Variants in UBE2E2 observed in about 807,000 individuals in gnomAD.
UBE2E2 encodes the protein ubiquitin conjugating enzyme E2 E2, also known as ubiquitin-conjugating enzyme E2 E2.
UBE2E2 carries 6 observed loss-of-function variants against 24.7 expected under a neutral mutation model. The observed-to-expected ratio is 0.24, with a 90% confidence interval of 0.13 to 0.48. UBE2E2 has a LOEUF of 0.48. Ranked by LOEUF, UBE2E2 falls within the 20% of genes least tolerant of loss-of-function variation. The pLI, the probability that UBE2E2 is intolerant of heterozygous loss-of-function variation, is 0.99. For synonymous variants in UBE2E2, 104 were observed against 83.6 expected (o/e 1.24, Z -1.33); for missense variants, 169 against 245.0 (o/e 0.69, Z 2.07).
chr3:23,502,070 T>G (rs1053690519), intron 4 of UBE2E2, among the ~76,000 whole-genome samples: 2 of 152,136 alleles, frequency 1.3e-5, no homozygotes, highest in Non-Finnish European at 2.9e-5. Flanking sequence ...AGAAAAAACT[T>G]GGGGTGTAGT....
intron 4 of UBE2E2, among the ~76,000 whole-genome samples, chr3:23,512,140 TA>T (rs886922503): frequency 1.3e-5 from 2 of 151,234 alleles, no homozygotes; most frequent in Non-Finnish European, 1.5e-5. Context: ...GTGATCTTGG[TA>T]AGTGCACAGT....
At chr3:23,457,445 C>T (rs1698703960) in intron 3 of UBE2E2, among the ~76,000 whole-genome samples, 1 of 152,210 alleles carries the variant, frequency 6.6e-6, no homozygotes, top group African/African-American at 2.4e-5. Flanking sequence ...CTTAAATAGC[C>T]ACCTTCATCA....
At chr3:23,306,729 C>A (rs1300453514) in intron 3 of UBE2E2, among the ~76,000 whole-genome samples, 3 of 152,164 alleles carry the variant, frequency 2.0e-5, no homozygotes, top group African/African-American at 7.2e-5. Context: ...AGTAAATAAA[C>A]CAGTTGATAC....
At chr3:23,559,569 C>T (rs1436529833) in intron 5 of UBE2E2, among the ~76,000 whole-genome samples, 1 of 152,204 alleles carries the variant, frequency 6.6e-6, no homozygotes, top group African/African-American at 2.4e-5. Context: ...CTAATACCAG[C>T]AGCCCTGTGG....
chr3:23,589,944 T>A lies in UBE2E2; in HGVS notation c.*113T>A. 2.0e-6 allele frequency: 2 copies of A among 1,000,372 alleles called. No homozygotes were observed. The highest frequency in any genetic ancestry group is 3.1e-4 in the Middle Eastern group (1 of 3,184). 62.0% of individuals were successfully genotyped at this position (1,000,372 alleles called of 1,614,324 possible). On this transcript the variant is annotated 3_prime_UTR_variant, in exon 6 of 6. Coordinates refer to ENST00000396703, the MANE Select transcript of UBE2E2 (RefSeq NM_152653.4). This position sits in a 1 kb window ranked among gnomAD's most constrained non-coding sequence, Gnocchi z 4.1. Reference sequence around the variant, plus strand: ...TCTTATTTTCCTATTTTTATTAAATTTGGAACCATTTTGTGATGGTATGTT... The same window carrying A: ...TCTTATTTTCCTATTTTTATTAAATATGGAACCATTTTGTGATGGTATGTT...
At chr3:23,548,961 A>G (rs773299170) in intron 5 of UBE2E2, among the ~76,000 whole-genome samples, 3 of 152,184 alleles carry the variant, frequency 2.0e-5, no homozygotes, top group Admixed American at 2.0e-4. Context: ...AAAGAGGTAC[A>G]TAGTAGCAAC....
chr3:23,440,231 G>A (rs1207954607), intron 3 of UBE2E2, among the ~76,000 whole-genome samples: 1 of 152,148 alleles, frequency 6.6e-6, no homozygotes, highest in East Asian at 1.9e-4. Flanking sequence ...CCAAGATCAC[G>A]CCACTGCACT....
chr3:23,326,098 G>T (rs1004434539), intron 3 of UBE2E2, among the ~76,000 whole-genome samples: 1 of 152,134 alleles, frequency 6.6e-6, no homozygotes, highest in Non-Finnish European at 1.5e-5. Flanking sequence ...TTGAGGTGGA[G>T]TCTTGCTTTC....
chr3:23,252,419 A>G (rs756013926), intron 3 of UBE2E2, among the ~76,000 whole-genome samples: 18 of 152,376 alleles, frequency 1.2e-4, no homozygotes, highest in Middle Eastern at 3.4e-3. Context: ...GACAATGTGT[A>G]TGAAAAAGAA....
chr3:23,563,048 G>A (rs1342942544), intron 5 of UBE2E2, among the ~76,000 whole-genome samples: 2 of 151,976 alleles, frequency 1.3e-5, no homozygotes, highest in African/African-American at 4.8e-5. Context: ...TTTTTGAAGG[G>A]TTTTTTGTGT....
chr3:23,334,450 C>G (rs959844244), intron 3 of UBE2E2, among the ~76,000 whole-genome samples: 5 of 152,106 alleles, frequency 3.3e-5, no homozygotes, highest in African/African-American at 1.2e-4. Context: ...GTGGTACCTA[C>G]TCATAGGAAA....
chr3:23,435,627 C>T (rs895899397), intron 3 of UBE2E2, among the ~76,000 whole-genome samples: 1 of 152,148 alleles, frequency 6.6e-6, no homozygotes, highest in Non-Finnish European at 1.5e-5. Context: ...GGGAGGCAGG[C>T]TTTGTAGTAT....
At chr3:23,271,900 T>C (rs920623319) in intron 3 of UBE2E2, among the ~76,000 whole-genome samples, 4 of 152,326 alleles carry the variant, frequency 2.6e-5, no homozygotes, top group African/African-American at 9.6e-5. Flanking sequence ...TTGGTGCATA[T>C]ACAGTCCTCC....
intron 3 of UBE2E2, among the ~76,000 whole-genome samples, chr3:23,293,196 C>T (rs1479283658): frequency 6.6e-6 from 1 of 152,214 alleles, no homozygotes; most frequent in Non-Finnish European, 1.5e-5. Flanking sequence ...TAACGTTAGT[C>T]GTTGTGTGGA....
chr3:23,226,085 G>A (rs1459951309), intron 3 of UBE2E2, among the ~76,000 whole-genome samples: 3 of 152,108 alleles, frequency 2.0e-5, no homozygotes, highest in African/African-American at 7.2e-5. Flanking sequence ...CACCATGTTG[G>A]CCAGACTGGT....
At chr3:23,404,763 T>A (rs923799392) in intron 3 of UBE2E2, among the ~76,000 whole-genome samples, 13 of 152,238 alleles carry the variant, frequency 8.5e-5, no homozygotes, top group African/African-American at 3.1e-4. Context: ...GTTTAAATAT[T>A]TGCCAATGTA....
At chr3:23,463,803 C>G (rs1429130014) in intron 3 of UBE2E2, among the ~76,000 whole-genome samples, 2 of 152,100 alleles carry the variant, frequency 1.3e-5, no homozygotes, top group African/African-American at 2.4e-5. Flanking sequence ...CAATACAGTT[C>G]TAAACTCCAT....
At chr3:23,308,756 G>T (rs1009778690) in intron 3 of UBE2E2, among the ~76,000 whole-genome samples, 1 of 152,148 alleles carries the variant, frequency 6.6e-6, no homozygotes, top group Admixed American at 6.6e-5. Flanking sequence ...TTACATAGGT[G>T]AAGCCCCGCC....
intron 4 of UBE2E2, among the ~76,000 whole-genome samples, chr3:23,525,590 A>G (rs1048982172): frequency 6.6e-6 from 1 of 152,240 alleles, no homozygotes; most frequent in Non-Finnish European, 1.5e-5. Context: ...GGTGGCTACC[A>G]TTGTAAACAT....
Sources: allele counts gnomAD v4.1 joint callset (sites outside exome capture counted in the v4.1 genomes callset), GRCh38; gene constraint gnomAD v4.1.1; non-coding constraint Gnocchi (gnomAD v3.1); transcripts MANE v1.5; gene names NCBI Gene and HGNC (gene_info 2026-07-23, HGNC 2026-07-21).